SCGB2B2: variants seen among roughly 807,000 people sequenced by gnomAD.
SCGB2B2 encodes the protein secretoglobin family 2B member 2.
In SCGB2B2, 11 loss-of-function variants were observed where a neutral mutation model predicts 7.6. The ratio of observed to expected loss-of-function variants is 1.45; its 90% CI spans 0.91 to 2.40. The LOEUF is 2.40. SCGB2B2 is among the 30% of genes most tolerant of loss of function. The pLI is 0.00. For missense variants in SCGB2B2, 104 were observed against 115.4 expected, an observed-to-expected ratio of 0.90 and a Z score of 0.45; for synonymous variants, 50 against 48.6, an observed-to-expected ratio of 1.03 and a Z score of -0.12.
At chr19:34,621,405 T>A (rs1041403796) in intron 1 of SCGB2B2, among the ~76,000 whole-genome samples, 11 of 151,344 alleles carry the variant, frequency 7.3e-5, no homozygotes, top group African/African-American at 2.4e-4. Flanking sequence ...TGGGGTTTCA[T>A]GAGGAAAAGA....
rs1168145762 is a variant in SCGB2B2 at position 34,590,703 on chromosome 19, A to C, written c.*2852T>G. Among the ~76,000 whole-genome samples the C allele has an allele frequency of 6.6e-6, 1 of 152,114 alleles. No individual in the cohort carries two copies. The highest frequency in any genetic ancestry group is 1.5e-5 in the Non-Finnish European group (1 of 68,034). On this transcript the variant is annotated 3_prime_UTR_variant, in exon 4 of 4. Coordinates refer to ENST00000601241, the MANE Select transcript of SCGB2B2 (RefSeq NM_001025591.4). ...TTATACCAACAATACAGAGATCATCACATATCATTAAGAATAACAGAGTCG... is the reference window on the plus strand; with the variant it reads ...TTATACCAACAATACAGAGATCATCCCATATCATTAAGAATAACAGAGTCG...
At chr19:34,660,128 T>G (rs555509478) in intron 1 of SCGB2B2, among the ~76,000 whole-genome samples, 42 of 152,282 alleles carry the variant, frequency 2.8e-4, no homozygotes, top group African/African-American at 1.0e-3. Context: ...TATACAAAAA[T>G]TAACTCAAGA....
intron 1 of SCGB2B2, among the ~76,000 whole-genome samples, chr19:34,659,090 C>G (rs1423075575): frequency 6.6e-6 from 1 of 152,162 alleles, no homozygotes; most frequent in Non-Finnish European, 1.5e-5. Flanking sequence ...AATTCATCAG[C>G]CTTTCATCCT....
intron 1 of SCGB2B2, among the ~76,000 whole-genome samples, chr19:34,633,148 T>C (rs1359095393): frequency 6.6e-6 from 1 of 152,232 alleles, no homozygotes; most frequent in Non-Finnish European, 1.5e-5. Context: ...CATGTGGCCC[T>C]CTGTGGCACG....
chr19:34,614,868 C>G lies in SCGB2B2; in HGVS notation c.-2031-18274G>C, dbSNP rs868625418. Among the ~76,000 whole-genome samples the G allele has an allele frequency of 3.6e-4, 55 of 152,184 alleles. 2 individuals carry two copies. Among genetic ancestry groups the G allele is most frequent in the Non-Finnish European group, 1.5e-4 (10 of 68,034 alleles). On this transcript the variant is annotated intron_variant, in intron 1 of 3. Coordinates refer to ENST00000601241, the MANE Select transcript of SCGB2B2 (RefSeq NM_001025591.4). ...TATGGTCTACATGTAGTTTCCTTAT[C>G]TGTGTTGAATGTTATCAATAACTAT...
intron 1 of SCGB2B2, among the ~76,000 whole-genome samples, chr19:34,601,252 T>C (rs973805671): frequency 2.7e-4 from 41 of 152,246 alleles, no homozygotes; most frequent in African/African-American, 9.4e-4. Flanking sequence ...TCTGTTTGTC[T>C]GTCTCTATGC....
chr19:34,641,873 T>C (rs2066851784), intron 1 of SCGB2B2, among the ~76,000 whole-genome samples: 1 of 152,198 alleles, frequency 6.6e-6, no homozygotes, highest in Admixed American at 6.5e-5. Context: ...AAAGATTAGC[T>C]AAAGGTCTTC....
rs1040756176 is a variant in SCGB2B2 at position 34,610,339 on chromosome 19, T to C, written c.-2031-13745A>G. On this transcript the variant is annotated intron_variant, in intron 1 of 3. Coordinates refer to ENST00000601241, the MANE Select transcript of SCGB2B2 (RefSeq NM_001025591.4). ...TAATTGCTCTGGCTAGGACTTCCAG[T>C]ACTATTTTGAATAAAAGTGATGAAA... Among the ~76,000 whole-genome samples the C allele has an allele frequency of 7.2e-5, 11 of 152,166 alleles. No homozygotes were observed. The East Asian group carries it at 1.9e-3, about 27-fold the overall frequency.
At chr19:34,608,787 G>C (rs1189668033) in intron 1 of SCGB2B2, 1 of 150,774 alleles carries the variant, frequency 6.6e-6, no homozygotes, top group Non-Finnish European at 1.5e-5. Flanking sequence ...CAATAAATGA[G>C]TGTGCAGATA....
Position 34,593,391 on chromosome 19 carries a change from T to A in SCGB2B2, c.*164A>T, listed in dbSNP as rs561216696. 3.3e-5 allele frequency: 19 copies of A among 575,160 alleles called. No homozygotes were observed. In the East Asian group the frequency reaches 3.7e-4, roughly 11 times the overall value. 35.6% of individuals were successfully genotyped at this position (575,160 alleles called of 1,614,324 possible). On this transcript the variant is annotated 3_prime_UTR_variant, in exon 4 of 4. Coordinates refer to ENST00000601241, the MANE Select transcript of SCGB2B2 (RefSeq NM_001025591.4). Reference sequence around the variant, plus strand: ...TTTCACACTGGGACCCTGGTCACACTCTGCATATGCGGTCACAGCCAACCC... The same window carrying A: ...TTTCACACTGGGACCCTGGTCACACACTGCATATGCGGTCACAGCCAACCC...
At chr19:34,616,530 G>A (rs1450477237) in intron 1 of SCGB2B2, among the ~76,000 whole-genome samples, 7 of 135,480 alleles carry the variant, frequency 5.2e-5, no homozygotes, top group Non-Finnish European at 9.9e-5. Context: ...ACTTTTTGAT[G>A]GGGTTGTTTT....
intron 1 of SCGB2B2, among the ~76,000 whole-genome samples, chr19:34,647,974 G>A (rs1175742700): frequency 2.0e-5 from 3 of 152,176 alleles, no homozygotes; most frequent in Admixed American, 1.3e-4. Flanking sequence ...TTAGTGTGTC[G>A]GAGAAATGGC....
At chr19:34,639,470 G>C (rs528910214) in intron 1 of SCGB2B2, among the ~76,000 whole-genome samples, 1 of 152,110 alleles carries the variant, frequency 6.6e-6, no homozygotes, top group Non-Finnish European at 1.5e-5. Context: ...TCAAGATCTG[G>C]GGACTATGTA....
chr19:34,658,970 C>A lies in SCGB2B2; in HGVS notation c.-2032+16660G>T, dbSNP rs139282307. On this transcript the variant is annotated intron_variant, in intron 1 of 3. Transcript: ENST00000601241. ...TCAAGTTGGCTTCATCCCTGGGATGCAAGGCTGGTTCAACATACACAAATC... is the reference window on the plus strand; with the variant it reads ...TCAAGTTGGCTTCATCCCTGGGATGAAAGGCTGGTTCAACATACACAAATC... Among the ~76,000 whole-genome samples the A allele has an allele frequency of 4.0e-3, 607 of 152,270 alleles. 5 individuals carry two copies. Among genetic ancestry groups the A allele is most frequent in the African/African-American group, 0.014 (565 of 41,552 alleles).
chr19:34,631,888 G>A (rs773116209), intron 1 of SCGB2B2: 6 of 152,112 alleles, frequency 3.9e-5, no homozygotes, highest in African/African-American at 7.2e-5. Context: ...AAGACATAGT[G>A]TAAAATTATG....
intron 1 of SCGB2B2, among the ~76,000 whole-genome samples, chr19:34,651,909 T>C (rs1005197685): frequency 2.6e-5 from 4 of 151,198 alleles, no homozygotes; most frequent in Admixed American, 6.6e-5. Context: ...CAAAACAGCA[T>C]GGTACTTGCA....
chr19:34,591,472 T>A lies in SCGB2B2; in HGVS notation c.*2083A>T, dbSNP rs1460831553. ...GACGGCCACAGGGACTCCCAGTTGG[T>A]CTTCCTGCCTCTACTGCCGCCCCCG... On this transcript the variant is annotated 3_prime_UTR_variant, in exon 4 of 4. Transcript: ENST00000601241. Among the ~76,000 whole-genome samples, 3 of 152,138 alleles carry A rather than the reference T, an allele frequency of 2.0e-5. No individual in the cohort carries two copies. Among genetic ancestry groups the A allele is most frequent in the African/African-American group, 4.8e-5 (2 of 41,426 alleles).
intron 1 of SCGB2B2, among the ~76,000 whole-genome samples, chr19:34,637,345 C>T (rs1245756838): frequency 6.6e-6 from 1 of 152,174 alleles, no homozygotes; most frequent in Non-Finnish European, 1.5e-5. Flanking sequence ...CTGGCACCCA[C>T]AGCATCTATG....
chr19:34,645,679 C>T (rs763050316), intron 1 of SCGB2B2: 44 of 416,916 alleles, frequency 1.1e-4, no homozygotes, highest in Non-Finnish European at 1.9e-4. Flanking sequence ...TGACACCCAC[C>T]GCCTGTGCTC....
Sources: allele counts gnomAD v4.1 joint callset (sites outside exome capture counted in the v4.1 genomes callset), GRCh38; gene constraint gnomAD v4.1.1; transcripts MANE v1.5; gene names NCBI Gene and HGNC (gene_info 2026-07-23, HGNC 2026-07-21).